The following TIMD4 variants were observed in gnomAD, a reference collection of about 807,000 sequenced individuals.
The protein encoded by TIMD4 is T cell immunoglobulin and mucin domain containing 4, also known as T-cell immunoglobulin and mucin domain-containing protein 4.
A neutral mutation model predicts 41.2 loss-of-function variants in TIMD4; 31 were observed. The observed-to-expected ratio is 0.75, with a 90% CI of 0.57 to 1.01. The LOEUF is 1.01. Among genes scored for constraint, TIMD4 ranks in the 50% least tolerant of loss-of-function variants. The pLI is 0.00. For missense variants in TIMD4, 479 were observed against 472.5 expected, an observed-to-expected ratio of 1.01 and a Z score of -0.13; for synonymous variants, 204 against 177.1, an observed-to-expected ratio of 1.15 and a Z score of -1.21.
Position 156,954,663 on chromosome 5 carries a change from C to T in TIMD4, c.152G>A (p.Ser51Asn). 7.4e-6 allele frequency: 12 copies of T among 1,614,224 alleles called. No individual in the cohort carries two copies. The highest frequency in any genetic ancestry group is 1.0e-5 in the Non-Finnish European group (12 of 1,180,042). Residue 51 changes from serine to asparagine, a missense_variant, in exon 2 of 9, where the codon AGC (serine) becomes AAC (asparagine). Ser to Asn is a conservative substitution (Grantham distance 46). Coordinates refer to ENST00000274532, the MANE Select transcript of TIMD4 (RefSeq NM_138379.3). ...GCACTGGTCTTTCCCCCAGCACATG[C>T]TGTTGCTGTTGTGAGACCAGGATGA... Reference protein sequence around the residue: ...LYSSWSHNSNSMCWGKDQCPY... With the variant: ...LYSSWSHNSNNMCWGKDQCPY...
At chr5:156,940,281 G>A (rs1011301581) in intron 5 of TIMD4, among the ~76,000 whole-genome samples, 15 of 152,246 alleles carry the variant, frequency 9.9e-5, no homozygotes, top group African/African-American at 3.4e-4. Flanking sequence ...AGGCTGGAGT[G>A]TAGTGGCGTG....
chr5:156,948,078 G>A (rs1581627329), intron 5 of TIMD4, among the ~76,000 whole-genome samples: 1 of 152,208 alleles, frequency 6.6e-6, no homozygotes, highest in Non-Finnish European at 1.5e-5. Context: ...CTTGCAGCAT[G>A]TTTTGCTTCC....
chr5:156,941,312 A>G (rs1759648680), intron 5 of TIMD4, among the ~76,000 whole-genome samples: 1 of 152,200 alleles, frequency 6.6e-6, no homozygotes, highest in Non-Finnish European at 1.5e-5. Flanking sequence ...AATGATCAAT[A>G]AATACTAAAA....
At chr5:156,940,485 G>A (rs527697826) in intron 5 of TIMD4, among the ~76,000 whole-genome samples, 21 of 151,708 alleles carry the variant, frequency 1.4e-4, no homozygotes, top group Non-Finnish European at 2.8e-4. Flanking sequence ...GCCTCTTCCC[G>A]GCCGCCGCCC....
At position 156,956,049 on chromosome 5, in the gene TIMD4, A is replaced by G. The variant is rs187803702; in HGVS notation, c.59-1293T>C. Among the ~76,000 whole-genome samples, 16 of 152,344 alleles carry G rather than the reference A, an allele frequency of 1.1e-4. No individual in the cohort carries two copies. In the South Asian group the frequency reaches 1.5e-3, roughly 14 times the overall value. On this transcript the variant is annotated intron_variant, in intron 1 of 8. Transcript: ENST00000274532. ...TGATTAATTACTGTGGTCACCATGC[A>G]GTGCAATAGATCAGTACAACTTAGT...
Position 156,951,610 on chromosome 5 carries a change from G to A in TIMD4, c.581C>T (p.Ala194Val), listed in dbSNP as rs1759857452. The A allele has an allele frequency of 1.2e-6, 2 of 1,614,190 alleles. No homozygotes were observed. The highest frequency in any genetic ancestry group is 1.1e-5 in the South Asian group (1 of 91,086). ...TGGGGTTAGTGAAAGGCACGTGTTT[G>A]CTGTTGTGAAGACGGCAATGGTTGT... ...QMTTIAVFTT[A>V]NTCLSLTPST... The change falls in exon 3 of 9, where the codon GCA (alanine) becomes GTA (valine). Residue 194 changes from alanine to valine, a missense_variant. Physicochemically the swap from Ala to Val is moderately conservative, Grantham distance 64. Coordinates refer to ENST00000274532, the MANE Select transcript of TIMD4 (RefSeq NM_138379.3).
intron 5 of TIMD4, among the ~76,000 whole-genome samples, chr5:156,938,685 C>T (rs1759584370): frequency 6.6e-6 from 1 of 152,164 alleles, no homozygotes; most frequent in African/African-American, 2.4e-5. Context: ...CAGCTCCTTC[C>T]TTCTCTACCC....
intron 5 of TIMD4, among the ~76,000 whole-genome samples, chr5:156,930,041 G>C (rs894475967): frequency 6.6e-6 from 1 of 152,146 alleles, no homozygotes; most frequent in African/African-American, 2.4e-5. Flanking sequence ...CACGATCTTG[G>C]CTCGCTGCAA....
intron 6 of TIMD4, among the ~76,000 whole-genome samples, chr5:156,922,518 T>C (rs963994837): frequency 7.9e-5 from 12 of 152,232 alleles, no homozygotes; most frequent in African/African-American, 2.9e-4. Flanking sequence ...CTTTGAGCTC[T>C]CCCTAGCCCT....
chr5:156,937,521 AC>A (rs1316083926), intron 5 of TIMD4, among the ~76,000 whole-genome samples: 8 of 151,698 alleles, frequency 5.3e-5, no homozygotes, highest in African/African-American at 1.9e-4. Context: ...CAGAGGGGCC[AC>A]CCAGCTCAGT....
intron 5 of TIMD4, among the ~76,000 whole-genome samples, chr5:156,935,187 T>C (rs1375474070): frequency 1.3e-5 from 2 of 152,118 alleles, no homozygotes; most frequent in Admixed American, 6.5e-5. Flanking sequence ...AATTTCTTTT[T>C]TTTTTTTAAT....
intron 6 of TIMD4, chr5:156,924,080 G>A (rs563629587): frequency 1.2e-4 from 25 of 209,082 alleles, no homozygotes; most frequent in Admixed American, 4.0e-4. Context: ...AGTTTCAAAC[G>A]TTTAAAAAGA....
At position 156,951,653 on chromosome 5, in the gene TIMD4, C is replaced by T. The variant is rs145234048; in HGVS notation, c.538G>A (p.Gly180Arg). 1.4e-4 allele frequency: 226 copies of T among 1,613,984 alleles called. 1 individual carries two copies. The African/African-American group carries it at 1.7e-3, about 12-fold the overall frequency. Reference sequence around the variant, plus strand: ...ATGGTTGTCATCTGGAGTGGTGTTCCGGTTGTGAGATCGGGTGTGGTCACG... The same window carrying T: ...ATGGTTGTCATCTGGAGTGGTGTTCTGGTTGTGAGATCGGGTGTGGTCACG... Reference protein sequence around the residue: ...TVVTTPDLTTGTPLQMTTIAV... With the variant: ...TVVTTPDLTTRTPLQMTTIAV... The change falls in exon 3 of 9, where the codon GGA (glycine) becomes AGA (arginine). Residue 180 changes from glycine to arginine, a missense_variant. Transcript: ENST00000274532.
At chr5:156,954,992 C>T (rs919650297) in intron 1 of TIMD4, among the ~76,000 whole-genome samples, 1 of 152,092 alleles carries the variant, frequency 6.6e-6, no homozygotes, top group Non-Finnish European at 1.5e-5. Flanking sequence ...ATCCTCCCAC[C>T]TCAGCCTTCT....
At chr5:156,953,486 T>C (rs896701269) in intron 2 of TIMD4, among the ~76,000 whole-genome samples, 5 of 151,738 alleles carry the variant, frequency 3.3e-5, no homozygotes, top group East Asian at 1.9e-4. Flanking sequence ...TGAAATCTCA[T>C]CTCTACTAAA....
intron 4 of TIMD4, among the ~76,000 whole-genome samples, chr5:156,948,860 T>C (rs1759796287): frequency 6.6e-6 from 1 of 152,234 alleles, no homozygotes; most frequent in African/African-American, 2.4e-5. Flanking sequence ...TGCTGTACTA[T>C]CACAAACGCT....
At chr5:156,932,102 C>G (rs569121442) in intron 5 of TIMD4, among the ~76,000 whole-genome samples, 44 of 152,186 alleles carry the variant, frequency 2.9e-4, no homozygotes, top group African/African-American at 9.2e-4. Context: ...CATACTTATT[C>G]CCCAAAGAAA....
chr5:156,955,881 A>C (rs950699423), intron 1 of TIMD4, among the ~76,000 whole-genome samples: 2 of 152,184 alleles, frequency 1.3e-5, no homozygotes, highest in Non-Finnish European at 2.9e-5. Flanking sequence ...TATTTATAGG[A>C]TACAATGTGA....
chr5:156,929,102 AG>A (rs1365033471), intron 5 of TIMD4, among the ~76,000 whole-genome samples: 2 of 152,234 alleles, frequency 1.3e-5, no homozygotes, highest in Non-Finnish European at 2.9e-5. Context: ...CAAGGGCTAC[AG>A]TGTCATACAC....
Sources: allele counts gnomAD v4.1 joint callset (sites outside exome capture counted in the v4.1 genomes callset), GRCh38; gene constraint gnomAD v4.1.1; transcripts MANE v1.5; gene names NCBI Gene and HGNC (gene_info 2026-07-23, HGNC 2026-07-21).